Variants in OPCML observed in about 807,000 individuals in gnomAD.
OPCML encodes the protein opioid binding protein/cell adhesion molecule like, also known as opioid-binding protein/cell adhesion molecule.
OPCML carries 13 observed loss-of-function variants against 37.8 expected under a neutral mutation model. That is an observed-to-expected ratio of 0.34 (90% CI 0.22 to 0.55). The LOEUF is 0.55. Among genes scored for constraint, OPCML ranks in the 20% least tolerant of loss-of-function variants. The probability of loss-of-function intolerance (pLI) is 0.91; values close to 1 mark genes in which losing one functional copy is unlikely to be tolerated. For synonymous variants in OPCML, 176 were observed against 168.8 expected (o/e 1.04, Z -0.33); for missense variants, 341 against 435.6 (o/e 0.78, Z 1.93).
At chr11:133,023,568 TA>T (rs1338227522) in intron 1 of OPCML, among the ~76,000 whole-genome samples, 1 of 152,172 alleles carries the variant, frequency 6.6e-6, no homozygotes, top group Non-Finnish European at 1.5e-5. Flanking sequence ...TAACTGGTTT[TA>T]AAAAATAGAT....
At chr11:133,007,177 G>T in intron 1 of OPCML, 1 of 985,392 alleles carries the variant, frequency 1.0e-6, no homozygotes, top group South Asian at 4.7e-5. Context: ...TGGCCTTGGG[G>T]ACTCTGTCTC....
At chr11:132,527,127 C>T (rs2096310516) in intron 4 of OPCML, among the ~76,000 whole-genome samples, 1 of 152,030 alleles carries the variant, frequency 6.6e-6, no homozygotes, top group Non-Finnish European at 1.5e-5. Context: ...AATCTATTTG[C>T]CTGTCAATGG....
chr11:132,930,359 G>A (rs1945156726), intron 2 of OPCML, among the ~76,000 whole-genome samples: 1 of 151,992 alleles, frequency 6.6e-6, no homozygotes, highest in South Asian at 2.1e-4. Flanking sequence ...GTGAGACAGT[G>A]TGGCACCCTG....
intron 2 of OPCML, among the ~76,000 whole-genome samples, chr11:132,745,631 T>C (rs1945602435): frequency 6.6e-6 from 1 of 151,476 alleles, no homozygotes; most frequent in Non-Finnish European, 1.5e-5. Flanking sequence ...GGTCTTAAGC[T>C]TTCTCTCTTT....
intron 1 of OPCML, among the ~76,000 whole-genome samples, chr11:133,162,605 G>A (rs144287820): frequency 7.7e-4 from 117 of 152,282 alleles, no homozygotes; most frequent in South Asian, 1.5e-3. Flanking sequence ...ACATCAACCC[G>A]ATTTGGTGGT....
intron 1 of OPCML, among the ~76,000 whole-genome samples, chr11:133,377,612 G>GA (rs71477791): frequency 0.065 from 5,176 of 79,064 alleles, 1,070 homozygotes; most frequent in African/African-American, 0.27. Flanking sequence ...CCAGTATTCA[G>GA]AAAAAAAAAA....
intron 3 of OPCML, among the ~76,000 whole-genome samples, chr11:132,634,864 G>T (rs1940387300): frequency 6.6e-6 from 1 of 151,764 alleles, no homozygotes; most frequent in African/African-American, 2.4e-5. Context: ...TGTTAGGGAG[G>T]ATTAACTGGG....
intron 2 of OPCML, among the ~76,000 whole-genome samples, chr11:132,846,243 G>A (rs1177890205): frequency 2.0e-5 from 3 of 152,138 alleles, no homozygotes; most frequent in African/African-American, 7.2e-5. Context: ...TCAATGTACT[G>A]AGATGGAGCC....
chr11:132,813,850 C>T (rs1939483501), intron 2 of OPCML, among the ~76,000 whole-genome samples: 1 of 152,152 alleles, frequency 6.6e-6, no homozygotes, highest in South Asian at 2.1e-4. Flanking sequence ...TTACTGTTTG[C>T]CCTCAGCCTC....
intron 1 of OPCML, among the ~76,000 whole-genome samples, chr11:133,250,981 A>G (rs534966015): frequency 1.8e-4 from 28 of 152,168 alleles, no homozygotes; most frequent in African/African-American, 6.7e-4. Context: ...CAACACATCT[A>G]CTGGGGCTGA....
At chr11:132,862,473 C>T (rs1048632829) in intron 2 of OPCML, among the ~76,000 whole-genome samples, 2 of 140,864 alleles carry the variant, frequency 1.4e-5, no homozygotes, top group Admixed American at 7.2e-5. Context: ...CTAGCTCTGT[C>T]ATCTATACGA....
chr11:133,329,671 TTA>T (rs1487029366), intron 1 of OPCML, among the ~76,000 whole-genome samples: 2 of 152,148 alleles, frequency 1.3e-5, no homozygotes, highest in Non-Finnish European at 2.9e-5. Context: ...TCCTTACACC[TTA>T]TACAAAAATT....
At chr11:133,355,890 G>C (rs1944277725) in intron 1 of OPCML, among the ~76,000 whole-genome samples, 1 of 152,178 alleles carries the variant, frequency 6.6e-6, no homozygotes, top group Admixed American at 6.5e-5. Flanking sequence ...TGTGCAGAGG[G>C]AACCATGTTC....
intron 3 of OPCML, among the ~76,000 whole-genome samples, chr11:132,587,581 A>G (rs2096475734): frequency 6.6e-6 from 1 of 152,172 alleles, no homozygotes; most frequent in African/African-American, 2.4e-5. Context: ...GACTTTCTCT[A>G]TTCATGCGTG....
At chr11:132,955,741 G>A (rs752040263) in intron 1 of OPCML, among the ~76,000 whole-genome samples, 16 of 152,016 alleles carry the variant, frequency 1.1e-4, no homozygotes, top group Non-Finnish European at 2.1e-4. Flanking sequence ...AATTAGCAGG[G>A]AATGGTGGTG....
chr11:133,072,742 T>A (rs1233930380), intron 1 of OPCML, among the ~76,000 whole-genome samples: 2 of 152,216 alleles, frequency 1.3e-5, no homozygotes, highest in Non-Finnish European at 2.9e-5. Flanking sequence ...CAGGGACAGG[T>A]GTCCTGGTGG....
rs370592196 is a variant in OPCML, at chr11:133,518,427, G to A, written c.61+13837C>T. Among the ~76,000 whole-genome samples the A allele has an allele frequency of 1.1e-4, 16 of 152,098 alleles. No homozygotes were observed. In the East Asian group the frequency reaches 2.9e-3, roughly 28 times the overall value. On this transcript the variant is annotated intron_variant, in intron 1 of 7. Coordinates refer to ENST00000524381, the MANE Select transcript of OPCML (RefSeq NM_001012393.5). ...CATAGGGATGTGCATGGATGGGTTT[G>A]TGTGTAAGTGTGGGCAGGTATGGGT...
chr11:133,063,964 T>C (rs915935553), intron 1 of OPCML, among the ~76,000 whole-genome samples: 6 of 152,252 alleles, frequency 3.9e-5, no homozygotes, highest in Non-Finnish European at 7.3e-5. Context: ...TCAGCCGGGA[T>C]TGATCACTTG....
intron 3 of OPCML, among the ~76,000 whole-genome samples, chr11:132,599,552 G>T (rs898244097): frequency 6.6e-6 from 1 of 152,124 alleles, no homozygotes; most frequent in African/African-American, 2.4e-5. Context: ...ACTCCAAATG[G>T]CAGGCTCACA....
Sources: gnomAD v4.1 joint callset for allele counts (sites outside exome capture counted in the v4.1 genomes callset) on GRCh38, gnomAD v4.1.1 for gene constraint, MANE v1.5 for transcripts, NCBI Gene and HGNC (gene_info 2026-07-23, HGNC 2026-07-21) for gene names.